NSD1: variants seen among roughly 807,000 people sequenced by gnomAD.
NSD1 encodes the protein nuclear receptor binding SET domain protein 1.
NSD1 carries 26 observed loss-of-function variants against 242.7 expected under a neutral mutation model. That is an observed-to-expected ratio of 0.11 (90% CI 0.08 to 0.15). NSD1 has a LOEUF of 0.15. NSD1 is among the 10% of genes least tolerant of loss of function. NSD1 has a pLI of 1.00. For missense variants in NSD1, 2,495 were observed against 3,272.8 expected (o/e 0.76, Z 5.80); for synonymous variants, 1,106 against 1,178.1 (o/e 0.94, Z 1.25).
At chr5:177,167,946 T>C (rs1759348486) in intron 2 of NSD1, among the ~76,000 whole-genome samples, 4 of 152,192 alleles carry the variant, frequency 2.6e-5, no homozygotes, top group Admixed American at 2.6e-4. Context: ...GTGTCCGGTA[T>C]TGAATGAACC....
intron 2 of NSD1, among the ~76,000 whole-genome samples, chr5:177,174,871 C>CTT (rs377543241): frequency 0.02 from 1,752 of 89,586 alleles, 66 homozygotes; most frequent in African/African-American, 0.04. Context: ...CCTTATCTGA[C>CTT]TTTTTTTTTT....
At chr5:177,160,747 A>G (rs1758683128) in intron 2 of NSD1, among the ~76,000 whole-genome samples, 1 of 152,018 alleles carries the variant, frequency 6.6e-6, no homozygotes, top group South Asian at 2.1e-4. Context: ...TGAGTTGCCT[A>G]CTATGTCCCA....
chr5:177,222,603 A>G (rs916290525), intron 5 of NSD1, among the ~76,000 whole-genome samples: 2 of 152,188 alleles, frequency 1.3e-5, no homozygotes, highest in Admixed American at 6.5e-5. Flanking sequence ...GATGTTCAAT[A>G]TATTTTCATA....
At chr5:177,255,925 G>A (rs1756412643) in intron 12 of NSD1, among the ~76,000 whole-genome samples, 2 of 152,142 alleles carry the variant, frequency 1.3e-5, no homozygotes, top group African/African-American at 4.8e-5. Context: ...GTAGAACAAT[G>A]TAAAGAATCT....
chr5:177,220,979 T>C, intron 5 of NSD1: 1 of 452,448 alleles, frequency 2.2e-6, no homozygotes, highest in East Asian at 7.2e-5. Context: ...TTCTTGTGCC[T>C]CAGCCTCCTG....
In NSD1 at chr5:177,269,884, A is replaced by C; in HGVS notation, c.5509+77A>C. ...GTGTCTGATCTGTTTTAGAATTCAC[A>C]TATGCTCCATTTTGAAACTGCCTTT... On this transcript the variant is annotated intron_variant, in intron 16 of 22. Transcript: ENST00000439151. This position sits in a 1 kb window ranked among gnomAD's most constrained non-coding sequence, Gnocchi z 5.1. 1 of 1,280,414 alleles carries C rather than the reference A, an allele frequency of 7.8e-7. No individual in the cohort carries two copies. The highest frequency in any genetic ancestry group is 1.1e-6 in the Non-Finnish European group (1 of 914,888). 79.3% of individuals were successfully genotyped at this position (1,280,414 alleles called of 1,614,324 possible). A position where few individuals can be genotyped will look rare whatever the true frequency, so the allele number is the denominator to read the frequency against.
intron 4 of NSD1, among the ~76,000 whole-genome samples, chr5:177,207,510 C>T (rs1286137222): frequency 1.3e-5 from 2 of 150,856 alleles, no homozygotes; most frequent in Non-Finnish European, 2.9e-5. Flanking sequence ...TCTCGATCTC[C>T]TGACCTTGTG....
intron 5 of NSD1, among the ~76,000 whole-genome samples, chr5:177,231,037 GA>G (rs1331401378): frequency 6.6e-6 from 1 of 152,122 alleles, no homozygotes; most frequent in Non-Finnish European, 1.5e-5. Context: ...ATGGAATTAT[GA>G]CCTTGCCACC....
chr5:177,197,547 G>T (rs891107184), intron 3 of NSD1, among the ~76,000 whole-genome samples: 1 of 152,164 alleles, frequency 6.6e-6, no homozygotes, highest in Non-Finnish European at 1.5e-5. Flanking sequence ...GTGTGAACCC[G>T]GGAGGCGGAG....
At chr5:177,227,946 CAA>C (rs200769471) in intron 5 of NSD1, among the ~76,000 whole-genome samples, 11 of 109,446 alleles carry the variant, frequency 1.0e-4, no homozygotes, top group East Asian at 2.4e-4. Flanking sequence ...GAAACTCTCT[CAA>C]AAAAAAAAAA....
chr5:177,211,619 C>A lies in NSD1; in HGVS notation c.3220C>A (p.Arg1074Ser), dbSNP rs775044010. The part of the protein sequence containing the change: ...LDAVLQGDRE[R>S]GGSLRGGAED... ...TGCTGTACTGCAGGGAGACCGAGAACGTGGAGGTTCATTGAGAGGTGGGGC... is the reference window on the plus strand; with the variant it reads ...TGCTGTACTGCAGGGAGACCGAGAAAGTGGAGGTTCATTGAGAGGTGGGGC... Residue 1074 changes from arginine to serine, a missense_variant, in exon 5 of 23, where the codon CGT (arginine) becomes AGT (serine). Physicochemically the swap from Arg to Ser is moderately radical, Grantham distance 110. Coordinates refer to ENST00000439151, the MANE Select transcript of NSD1 (RefSeq NM_022455.5). 2 of 1,613,934 alleles carry A rather than the reference C, an allele frequency of 1.2e-6. No individual in the cohort carries two copies. Among genetic ancestry groups the A allele is most frequent in the African/African-American group, 2.7e-5 (2 of 74,880 alleles).
intron 16 of NSD1, among the ~76,000 whole-genome samples, chr5:177,272,816 G>A (rs969098063): frequency 6.6e-6 from 1 of 152,254 alleles, no homozygotes; most frequent in East Asian, 1.9e-4. Flanking sequence ...CCATAAGGTC[G>A]AGGCTGCAGT....
At chr5:177,280,862 T>G in intron 18 of NSD1, 28 bp downstream of exon 18, 1 of 1,612,028 alleles carries the variant, frequency 6.2e-7, no homozygotes, top group South Asian at 1.1e-5. Flanking sequence ...TACCATATAC[T>G]TTCTCCTCTT....
chr5:177,169,846 A>T (rs1759540469), intron 2 of NSD1, among the ~76,000 whole-genome samples: 1 of 152,222 alleles, frequency 6.6e-6, no homozygotes, highest in African/African-American at 2.4e-5. Flanking sequence ...CAAAAACTGC[A>T]ATTACTTCTG....
chr5:177,137,102 T>G, intron 2 of NSD1: 1 of 406,258 alleles, frequency 2.5e-6, no homozygotes, highest in Admixed American at 4.3e-5. Context: ...TTTGTTTTTA[T>G]TTGAGCTTAT....
intron 2 of NSD1, among the ~76,000 whole-genome samples, chr5:177,186,055 TA>T (rs1421390897): frequency 1.1e-4 from 12 of 108,856 alleles, no homozygotes; most frequent in African/African-American, 4.7e-4. Flanking sequence ...ATATATAATA[TA>T]ACATATAATA....
chr5:177,187,457 T>G (rs1173145237), intron 2 of NSD1, among the ~76,000 whole-genome samples: 1 of 152,154 alleles, frequency 6.6e-6, no homozygotes, highest in Non-Finnish European at 1.5e-5. Flanking sequence ...ATCGAGATAA[T>G]GCTGTCTTGT....
At chr5:177,292,886 G>A (rs1400297192) in intron 22 of NSD1, among the ~76,000 whole-genome samples, 1 of 152,214 alleles carries the variant, frequency 6.6e-6, no homozygotes, top group Non-Finnish European at 1.5e-5. Context: ...AGCCATTCCA[G>A]GGTGAGGAGA....
At chr5:177,190,818 C>T (rs1190249827) in intron 2 of NSD1, among the ~76,000 whole-genome samples, 3 of 149,288 alleles carry the variant, frequency 2.0e-5, no homozygotes, top group Admixed American at 2.0e-4. Flanking sequence ...TACAGGCGCC[C>T]GCCACCATGC....
Sources: gnomAD v4.1 joint callset for allele counts (sites outside exome capture counted in the v4.1 genomes callset) on GRCh38, gnomAD v4.1.1 for gene constraint, Gnocchi (gnomAD v3.1) non-coding constraint, MANE v1.5 for transcripts, NCBI Gene and HGNC (gene_info 2026-07-23, HGNC 2026-07-21) for gene names.